Variants in PTCHD4 observed in about 807,000 individuals in gnomAD.
PTCHD4 encodes patched domain-containing protein 4.
Under a neutral mutation model 58.1 loss-of-function variants are expected in PTCHD4, and 33 were observed. The observed-to-expected ratio is 0.57, with a 90% CI of 0.43 to 0.76. The LOEUF is 0.76. Among genes scored for constraint, PTCHD4 ranks in the 30% least tolerant of loss-of-function variants. The probability of loss-of-function intolerance (pLI) is 0.00; values close to 1 mark genes in which losing one functional copy is unlikely to be tolerated. For synonymous variants in PTCHD4, 478 were observed against 409.6 expected, an observed-to-expected ratio of 1.17 and a Z score of -2.02; for missense variants, 1,058 against 1,027.1, an observed-to-expected ratio of 1.03 and a Z score of -0.41.
At position 48,055,912 on chromosome 6, in the gene PTCHD4, A is replaced by T. The variant is rs550426940; in HGVS notation, c.417+12318T>A. On this transcript the variant is annotated intron_variant, in intron 3 of 4. Transcript: ENST00000339488. ...TGTACGGAAAGACTCAGTTCCTGGG[A>T]AGAAGAAATGACAAGCTAGGTTTTT... Among the ~76,000 whole-genome samples the T allele has an allele frequency of 2.0e-5, 3 of 152,316 alleles. No individual in the cohort carries two copies. The South Asian group carries it at 6.2e-4, about 32-fold the overall frequency.
At chr6:47,969,483 A>T (rs1182198571) in intron 4 of PTCHD4, among the ~76,000 whole-genome samples, 1 of 152,200 alleles carries the variant, frequency 6.6e-6, no homozygotes, top group Non-Finnish European at 1.5e-5. Flanking sequence ...TTTTAAATTT[A>T]TACTTCCTAC....
At position 47,866,890 on chromosome 6, in the gene PTCHD4, C is replaced by G. The variant is rs1189534759; in HGVS notation, c.*11413G>C. ...TTAAGCATTTTAACAAACTCATTGT[C>G]TTAAAATTTACATTTAGAAAAGGAT... On this transcript the variant is annotated 3_prime_UTR_variant, in exon 5 of 5. Coordinates refer to ENST00000339488, the MANE Select transcript of PTCHD4 (RefSeq NM_001384253.1). 6.6e-6 allele frequency among the ~76,000 whole-genome samples: 1 copy of G among 151,768 alleles called. No homozygotes were observed. Among genetic ancestry groups the G allele is most frequent in the Non-Finnish European group, 1.5e-5 (1 of 67,858 alleles).
chr6:47,989,399 G>A (rs1054565984), intron 4 of PTCHD4, among the ~76,000 whole-genome samples: 2 of 152,158 alleles, frequency 1.3e-5, no homozygotes, highest in African/African-American at 2.4e-5. Context: ...AAGACAATGG[G>A]GAAAACATCT....
intron 1 of PTCHD4, among the ~76,000 whole-genome samples, chr6:48,086,008 A>G (rs1765257293): frequency 6.6e-6 from 1 of 152,096 alleles, no homozygotes. Flanking sequence ...TGGTTTTGAC[A>G]TGACCTGTAA....
At position 47,878,408 on chromosome 6, in the gene PTCHD4, AG is replaced by A; in HGVS notation, c.2426del (p.Pro809LeufsTer23). On this transcript the variant is annotated frameshift_variant, in exon 5 of 5. Transcript: ENST00000339488. LOFTEE classifies it high-confidence loss of function. Reference sequence around the variant, plus strand: ...TCTTTTTCTTGTGGTGCTTTTTGGAAGGGGGGAAAAACGTTAGGAACACAGG... The same window carrying A: ...TCTTTTTCTTGTGGTGCTTTTTGGAAGGGGGAAAAACGTTAGGAACACAGG... ...ILPVFLTFFP[P>X]SKKHHKKKKR... 1 of 1,613,150 alleles carries A rather than the reference AG, an allele frequency of 6.2e-7. No individual in the cohort carries two copies.
intron 4 of PTCHD4, among the ~76,000 whole-genome samples, chr6:47,883,822 A>G (rs1536816): frequency 0.66 from 99,703 of 152,014 alleles, 33,377 homozygotes; most frequent in East Asian, 0.78. Flanking sequence ...ACATTGTCAA[A>G]TGTTGCCTGT....
intron 4 of PTCHD4, among the ~76,000 whole-genome samples, chr6:48,000,470 T>C (rs1462140535): frequency 6.6e-6 from 1 of 152,196 alleles, no homozygotes; most frequent in African/African-American, 2.4e-5. Flanking sequence ...AAAAAATTCA[T>C]GAACACAAGC....
chr6:48,096,064 T>A (rs917870193), intron 1 of PTCHD4, among the ~76,000 whole-genome samples: 1 of 152,202 alleles, frequency 6.6e-6, no homozygotes, highest in Non-Finnish European at 1.5e-5. Flanking sequence ...AAGCTTCTGA[T>A]AGATATTAAT....
chr6:47,964,447 T>A (rs1408620723), intron 4 of PTCHD4, among the ~76,000 whole-genome samples: 1 of 152,124 alleles, frequency 6.6e-6, no homozygotes, highest in Admixed American at 6.5e-5. Flanking sequence ...GATACACAGA[T>A]CCCTTTTGCT....
At chr6:48,065,376 A>G (rs1281548674) in intron 3 of PTCHD4, among the ~76,000 whole-genome samples, 2 of 152,182 alleles carry the variant, frequency 1.3e-5, no homozygotes, top group Non-Finnish European at 2.9e-5. Context: ...AAGAGTGGTG[A>G]CCCAGTAGAA....
intron 3 of PTCHD4, among the ~76,000 whole-genome samples, chr6:48,029,245 C>G (rs1259790491): frequency 6.6e-6 from 1 of 152,016 alleles, no homozygotes; most frequent in Non-Finnish European, 1.5e-5. Context: ...TGATTTTTCT[C>G]TGAAAGCATT....
rs1763612227 is a variant in PTCHD4 at position 47,867,857 on chromosome 6, C to T, written c.*10446G>A. ...TAGTTTAGTGGTATTTTCTTCTGAG[C>T]CTAGCACAGAGACCAATATAGGTGC... On this transcript the variant is annotated 3_prime_UTR_variant, in exon 5 of 5. Coordinates refer to ENST00000339488, the MANE Select transcript of PTCHD4 (RefSeq NM_001384253.1). Among the ~76,000 whole-genome samples, 1 of 151,678 alleles carries T rather than the reference C, an allele frequency of 6.6e-6. No individual in the cohort carries two copies. The highest frequency in any genetic ancestry group is 6.6e-5 in the Admixed American group (1 of 15,174).
At chr6:47,958,231 A>C (rs1766944754) in intron 4 of PTCHD4, among the ~76,000 whole-genome samples, 1 of 152,202 alleles carries the variant, frequency 6.6e-6, no homozygotes, top group South Asian at 2.1e-4. Context: ...AACAAATTAA[A>C]GTTCCAGTGA....
chr6:47,878,431 CAGGTAAAATAACAAAACAGTGCAGA>C lies in PTCHD4; in HGVS notation c.2379_2403del (p.Leu794CysfsTer3). 3.7e-6 allele frequency: 6 copies of C among 1,613,454 alleles called. No individual in the cohort carries two copies. Among genetic ancestry groups the C allele is most frequent in the Non-Finnish European group, 5.1e-6 (6 of 1,179,688 alleles). On this transcript the variant is annotated frameshift_variant, in exon 5 of 5. Transcript: ENST00000339488. LOFTEE classifies it high-confidence loss of function. ...GAAGGGGGGAAAAACGTTAGGAACACAGGTAAAATAACAAAACAGTGCAGAAGTGTGCAACCCCCAGTGAGCAGCA... is the reference window on the plus strand; with the variant it reads ...GAAGGGGGGAAAAACGTTAGGAACACAGTGTGCAACCCCCAGTGAGCAGCA...
chr6:47,909,788 C>T (rs1256318887), intron 4 of PTCHD4, among the ~76,000 whole-genome samples: 3 of 150,734 alleles, frequency 2.0e-5, no homozygotes, highest in Admixed American at 1.3e-4. Context: ...TTGGCCAAGT[C>T]CATTCTTCCT....
rs1763806702 is a variant in PTCHD4 at position 47,874,858 on chromosome 6, A to G, written c.*3445T>C. Among the ~76,000 whole-genome samples the G allele has an allele frequency of 6.6e-6, 1 of 151,860 alleles. No homozygotes were observed. Among genetic ancestry groups the G allele is most frequent in the Non-Finnish European group, 1.5e-5 (1 of 67,850 alleles). The stretch of plus-strand genomic sequence containing the variant: ...CATCTAAACATGACTTTCATTAAAA[A>G]GAATTAAGGCTGGTCTAAAGAATCA... On this transcript the variant is annotated 3_prime_UTR_variant, in exon 5 of 5. Coordinates refer to ENST00000339488, the MANE Select transcript of PTCHD4 (RefSeq NM_001384253.1).
chr6:48,090,771 A>G (rs865980000), intron 1 of PTCHD4, among the ~76,000 whole-genome samples: 13 of 152,154 alleles, frequency 8.5e-5, no homozygotes, highest in Admixed American at 4.6e-4. Context: ...AAAAGAAGAC[A>G]CATGTAATAT....
At chr6:48,098,826 G>T (rs1405509297) in intron 1 of PTCHD4, among the ~76,000 whole-genome samples, 1 of 151,920 alleles carries the variant, frequency 6.6e-6, no homozygotes, top group African/African-American at 2.4e-5. Flanking sequence ...TTCAAATAAT[G>T]GAAATAAGAA....
chr6:48,064,589 AAGCACTTTAAAGAC>A (rs1413702063), intron 3 of PTCHD4, among the ~76,000 whole-genome samples: 9 of 152,186 alleles, frequency 5.9e-5, no homozygotes, highest in African/African-American at 2.2e-4. Context: ...TTTGGGTCAA[AAGCACTTTAAAGAC>A]AGCTGGAGAA....
Sources: allele counts gnomAD v4.1 joint callset (sites outside exome capture counted in the v4.1 genomes callset), GRCh38; gene constraint gnomAD v4.1.1; transcripts MANE v1.5; gene names NCBI Gene and HGNC (gene_info 2026-07-23, HGNC 2026-07-21).